NUP210: variants seen among roughly 807,000 people sequenced by gnomAD.
NUP210 encodes nucleoporin 210, also known as nuclear pore membrane glycoprotein 210.
Under a neutral mutation model 196.0 loss-of-function variants are expected in NUP210, and 151 were observed. The ratio of observed to expected loss-of-function variants is 0.77; its 90% CI spans 0.67 to 0.88. NUP210 has a LOEUF of 0.88. NUP210 is among the 40% of genes least tolerant of loss of function. The probability of loss-of-function intolerance (pLI) is 0.00; values close to 1 mark genes in which losing one functional copy is unlikely to be tolerated. For synonymous variants in NUP210, 1,070 were observed against 1,052.7 expected, an observed-to-expected ratio of 1.02 and a Z score of -0.32; for missense variants, 2,314 against 2,493.7, an observed-to-expected ratio of 0.93 and a Z score of 1.53.
intron 3 of NUP210, 31 bp from the exon 4 acceptor site, chr3:13,391,338 T>C (rs1418443500): frequency 6.8e-7 from 1 of 1,466,922 alleles, no homozygotes; most frequent in African/African-American, 1.4e-5. Flanking sequence ...GGCAGACAGA[T>C]ATGGAGTTAA....
rs1258887239 is a variant in NUP210, at chr3:13,348,474, T to C, written c.2835+3405A>G. On this transcript the variant is annotated intron_variant, in intron 20 of 39. Coordinates refer to ENST00000254508, the MANE Select transcript of NUP210 (RefSeq NM_024923.4). This position sits in a 1 kb window ranked among gnomAD's most constrained non-coding sequence, Gnocchi z 4.0. ...GCACTGTACACATTTTTCCCTAACT[T>C]GGAACTCCCCTCTTCTTGGTAATGG... 1 of 985,130 alleles carries C rather than the reference T, an allele frequency of 1.0e-6. No individual in the cohort carries two copies. The highest frequency in any genetic ancestry group is 1.2e-6 in the Non-Finnish European group (1 of 829,926). The allele number at this position is 985,130 out of a possible 1,614,324, so 61.0% of individuals were successfully genotyped here.
At chr3:13,329,001 G>C in intron 30 of NUP210, 55 bp from the exon 31 acceptor site, 2 of 1,527,230 alleles carry the variant, frequency 1.3e-6, no homozygotes, top group Non-Finnish European at 9.0e-7. Flanking sequence ...CTGGCCTCCA[G>C]GAAAACCCAC....
Position 13,321,750 on chromosome 3 carries a change from G to T in NUP210, c.5001C>A (p.Val1667=). The T allele has an allele frequency of 1.2e-6, 2 of 1,613,646 alleles. No homozygotes were observed. The highest frequency in any genetic ancestry group is 2.2e-5 in the South Asian group (2 of 91,070). The change falls in exon 36 of 40, where the codon GTC becomes GTA. Residue 1667 remains valine, a synonymous_variant. Coordinates refer to ENST00000254508, the MANE Select transcript of NUP210 (RefSeq NM_024923.4). ...AGTGGCTGCTGGAGAGGGAGGCACT[G>T]ACCACCAGAGCTGTCTTCTTCATGC... is the stretch of plus-strand genomic sequence containing the variant. ...HLSMKKTALV[V]SASLSSSHFS...
At chr3:13,377,317 G>A (rs1259887607) in intron 9 of NUP210, 139 bp downstream of exon 9, 19 of 644,292 alleles carry the variant, frequency 2.9e-5, no homozygotes, top group South Asian at 1.0e-4. Flanking sequence ...CCACAGACCC[G>A]GGAGCGCCAC....
intron 11 of NUP210, among the ~76,000 whole-genome samples, chr3:13,375,039 G>A (rs934573814): frequency 6.6e-6 from 1 of 152,102 alleles, no homozygotes; most frequent in Non-Finnish European, 1.5e-5. Flanking sequence ...TTTTCTCTAA[G>A]GGTGTGTGTA....
chr3:13,397,222 C>T, intron 3 of NUP210, 135 bp downstream of exon 3: 1 of 1,080,654 alleles, frequency 9.3e-7, no homozygotes, highest in Non-Finnish European at 1.3e-6. Flanking sequence ...ACTTCACCTG[C>T]CTGACCAGAG....
At chr3:13,346,939 G>A (rs1398917272) in intron 20 of NUP210, among the ~76,000 whole-genome samples, 1 of 152,210 alleles carries the variant, frequency 6.6e-6, no homozygotes, top group East Asian at 1.9e-4. Flanking sequence ...TTCACACAGG[G>A]ACCCGGCCAG....
intron 36 of NUP210, 84 bp from the exon 37 acceptor site, chr3:13,320,063 G>C: frequency 8.0e-7 from 1 of 1,252,666 alleles, no homozygotes; most frequent in Non-Finnish European, 1.1e-6. Flanking sequence ...CGAGGCGGGA[G>C]GGCTGCTCTG....
intron 1 of NUP210, among the ~76,000 whole-genome samples, chr3:13,406,618 C>A (rs974933369): frequency 5.3e-5 from 8 of 152,206 alleles, no homozygotes; most frequent in Middle Eastern, 3.2e-3. Flanking sequence ...CAGCTCATAG[C>A]CCAGTTCACT....
In NUP210 at chr3:13,352,115, C is replaced by T; in HGVS notation, c.2698G>A (p.Glu900Lys). ...GGGTGGTTGTAGATGGTCACCTCTT[C>T]TGGGCTCACCCTCACGTCCTCCACC... ...ILVEDVRVSP[E>K]EVTIYNHPGI... The change falls in exon 19 of 40, where the codon GAA (glutamate) becomes AAA (lysine). Residue 900 changes from glutamate (E) to lysine (K), a missense_variant. Coordinates refer to ENST00000254508, the MANE Select transcript of NUP210 (RefSeq NM_024923.4). 1 of 1,614,116 alleles carries T rather than the reference C, an allele frequency of 6.2e-7. No individual in the cohort carries two copies. The highest frequency in any genetic ancestry group is 8.5e-7 in the Non-Finnish European group (1 of 1,179,994).
rs1022996122 is a variant in NUP210 at position 13,353,480 on chromosome 3, G to A, written c.2628+74C>T. On this transcript the variant is annotated intron_variant, in intron 18 of 39. Coordinates refer to ENST00000254508, the MANE Select transcript of NUP210 (RefSeq NM_024923.4). ...AGTGACTCAGGACACTGTGATACCC[G>A]GTGGAATTTAAGCAGAAGTAGGAGG... The A allele has an allele frequency of 2.0e-5, 25 of 1,224,234 alleles. No homozygotes were observed. In the African/African-American group the frequency reaches 2.1e-4, roughly 10 times the overall value. The allele number at this position is 1,224,234 out of a possible 1,614,324, so 75.8% of individuals were successfully genotyped here.
intron 30 of NUP210, among the ~76,000 whole-genome samples, chr3:13,329,974 T>A (rs1696929373): frequency 6.6e-6 from 1 of 152,182 alleles, no homozygotes; most frequent in Non-Finnish European, 1.5e-5. Flanking sequence ...GCCACCTCAT[T>A]CTCAAAACCA....
At chr3:13,330,750 G>T in intron 29 of NUP210, 116 bp from the exon 30 acceptor site, 1 of 1,012,342 alleles carries the variant, frequency 9.9e-7, no homozygotes, top group Non-Finnish European at 1.4e-6. Context: ...AGGAAAAAAG[G>T]CCCAATCTTG....
In NUP210 at chr3:13,376,424, C is replaced by T. The variant is rs141201901; in HGVS notation, c.1160G>A (p.Arg387Gln). The T allele has an allele frequency of 3.4e-5, 55 of 1,614,040 alleles. No individual in the cohort carries two copies. The highest frequency in any genetic ancestry group is 1.6e-4 in the Middle Eastern group (1 of 6,082). Residue 387 changes from arginine to glutamine, a missense_variant, in exon 10 of 40, where the codon CGA (arginine) becomes CAA (glutamine). Physicochemically the swap from Arg to Gln is conservative, Grantham distance 43. Coordinates refer to ENST00000254508, the MANE Select transcript of NUP210 (RefSeq NM_024923.4). Reference sequence around the variant, plus strand: ...CTCAGCAGGAAGCACAGTTTCAATTCGGATGTTCTGGAAGGTGAGGCAGGA... The same window carrying T: ...CTCAGCAGGAAGCACAGTTTCAATTTGGATGTTCTGGAAGGTGAGGCAGGA... ...SNKVYVSDNI[R>Q]IETVLPAEFF...
At chr3:13,375,359 G>A in intron 11 of NUP210, 145 bp downstream of exon 11, 1 of 727,966 alleles carries the variant, frequency 1.4e-6, no homozygotes. Flanking sequence ...TTGCTATGAT[G>A]GAAACCTCAG....
rs1355809962 is a variant in NUP210 at position 13,420,320 on chromosome 3, G to A, written c.-94C>T. On this transcript the variant is annotated 5_prime_UTR_variant, in exon 1 of 40. Coordinates refer to ENST00000254508, the MANE Select transcript of NUP210 (RefSeq NM_024923.4). This position sits in a 1 kb window ranked among gnomAD's most constrained non-coding sequence, Gnocchi z 4.8. ...CGCCCGCGCGCGCGCCAGGCCAGCA[G>A]GTGATGAGCGCGGGGGCGGGGCGAG... The A allele has an allele frequency of 2.4e-6, 2 of 820,856 alleles. No individual in the cohort carries two copies. Among genetic ancestry groups the A allele is most frequent in the South Asian group, 5.3e-5 (1 of 18,758 alleles). The allele number at this position is 820,856 out of a possible 1,614,324, so 50.8% of individuals were successfully genotyped here. A position where few individuals can be genotyped will look rare whatever the true frequency, so the allele number is the denominator to read the frequency against.
In NUP210 at chr3:13,358,236, G is replaced by A; in HGVS notation, c.2314C>T (p.Gln772Ter). The change falls in exon 16 of 40, where the codon CAG becomes TAG. Residue 772 changes from glutamine to a stop codon, truncating the protein, a stop_gained. Coordinates refer to ENST00000254508, the MANE Select transcript of NUP210 (RefSeq NM_024923.4). LOFTEE classifies it high-confidence loss of function. ...QLDMSCPLLQ[Q>*]NKQVVPVSSH... ...CCCACACTCACCACCTGCTTGTTCT[G>A]CTGCAGCAGCGGACAGGACATGTCC... The A allele has an allele frequency of 1.2e-6, 2 of 1,608,182 alleles. No homozygotes were observed. The highest frequency in any genetic ancestry group is 8.5e-7 in the Non-Finnish European group (1 of 1,176,268).
At chr3:13,366,990 GTGGCGCA>G in intron 13 of NUP210, among the ~76,000 whole-genome samples, 1 of 151,600 alleles carries the variant, frequency 6.6e-6, no homozygotes, top group East Asian at 2.0e-4. Context: ...GCCAGGTGTG[GTGGCGCA>G]TGCCTGTAAT....
rs868615399 is a variant in NUP210, at chr3:13,420,275, G to A, written c.-49C>T. On this transcript the variant is annotated 5_prime_UTR_variant, in exon 1 of 40. Transcript: ENST00000254508. The surrounding 1 kb of genome is among the most constrained non-coding windows in gnomAD (Gnocchi z 4.8). ...GACCCTGCGCCCGGCCGCCCGCGCC[G>A]CCCCGTTGCCCTCCGCTCCCGCCCG... 1.7e-5 allele frequency: 18 copies of A among 1,030,564 alleles called. No homozygotes were observed. Among genetic ancestry groups the A allele is most frequent in the Non-Finnish European group, 1.9e-5 (16 of 859,262 alleles). 63.8% of individuals were successfully genotyped at this position (1,030,564 alleles called of 1,614,324 possible).
Sources: gnomAD v4.1 joint callset for allele counts (sites outside exome capture counted in the v4.1 genomes callset) on GRCh38, gnomAD v4.1.1 for gene constraint, Gnocchi (gnomAD v3.1) non-coding constraint, MANE v1.5 for transcripts, NCBI Gene and HGNC (gene_info 2026-07-23, HGNC 2026-07-21) for gene names.